The following LRRC4C variants were observed in gnomAD, a reference collection of about 807,000 sequenced individuals.
LRRC4C encodes the protein leucine rich repeat containing 4C.
A neutral mutation model predicts 33.6 loss-of-function variants in LRRC4C; 5 were observed. That is an observed-to-expected ratio of 0.15 (90% CI 0.08 to 0.31). LRRC4C has a LOEUF of 0.31. Ranked by LOEUF, LRRC4C falls within the 10% of genes least tolerant of loss-of-function variation. The pLI is 1.00. For missense variants in LRRC4C, 560 were observed against 796.7 expected (o/e 0.70, Z 3.58); for synonymous variants, 329 against 302.0 (o/e 1.09, Z -0.93).
At chr11:41,121,147 A>T (rs1003569303) in intron 1 of LRRC4C, among the ~76,000 whole-genome samples, 1 of 152,160 alleles carries the variant, frequency 6.6e-6, no homozygotes, top group Non-Finnish European at 1.5e-5. Context: ...TTTAACCATG[A>T]TTTCCTCATA....
chr11:40,568,655 C>T (rs548820661), intron 3 of LRRC4C, among the ~76,000 whole-genome samples: 1 of 152,168 alleles, frequency 6.6e-6, no homozygotes, highest in Non-Finnish European at 1.5e-5. Context: ...CCACACTGAA[C>T]ACCCACTATG....
intron 1 of LRRC4C, among the ~76,000 whole-genome samples, chr11:41,163,654 C>T (rs563270799): frequency 4.9e-4 from 75 of 151,886 alleles, no homozygotes; most frequent in Middle Eastern, 6.8e-3. Context: ...CTCTGTTGCC[C>T]AGGCTGGAGT....
intron 3 of LRRC4C, among the ~76,000 whole-genome samples, chr11:40,488,381 C>T (rs1215335774): frequency 6.6e-6 from 1 of 152,014 alleles, no homozygotes; most frequent in African/African-American, 2.4e-5. Context: ...TTTCTCTGGG[C>T]CATTTGACCC....
chr11:41,287,427 A>T (rs529176860), intron 1 of LRRC4C, among the ~76,000 whole-genome samples: 2 of 152,238 alleles, frequency 1.3e-5, no homozygotes, highest in Admixed American at 6.5e-5. Context: ...AAGTAATTGC[A>T]TTTTGTTTTT....
intron 1 of LRRC4C, among the ~76,000 whole-genome samples, chr11:41,221,936 A>G (rs1044431320): frequency 2.0e-5 from 3 of 152,186 alleles, no homozygotes; most frequent in African/African-American, 7.2e-5. Context: ...CTTAAGAACT[A>G]TCCACTCCAA....
chr11:40,807,959 T>G (rs2135355349), intron 2 of LRRC4C, among the ~76,000 whole-genome samples: 1 of 152,308 alleles, frequency 6.6e-6, no homozygotes, highest in African/African-American at 2.4e-5. Context: ...AAAAATTACA[T>G]CAGGTACATC....
At chr11:40,479,310 G>A (rs1180425363) in intron 3 of LRRC4C, among the ~76,000 whole-genome samples, 1 of 152,008 alleles carries the variant, frequency 6.6e-6, no homozygotes, top group East Asian at 1.9e-4. Context: ...AGTTATTCAA[G>A]TAACCTTCAA....
intron 1 of LRRC4C, among the ~76,000 whole-genome samples, chr11:40,998,435 A>C (rs1854134113): frequency 6.6e-6 from 1 of 152,140 alleles, no homozygotes; most frequent in Non-Finnish European, 1.5e-5. Context: ...CAGACTGTAA[A>C]AAAAATTAAA....
intron 2 of LRRC4C, among the ~76,000 whole-genome samples, chr11:40,695,236 G>T (rs1408565498): frequency 6.6e-6 from 1 of 152,100 alleles, no homozygotes; most frequent in Non-Finnish European, 1.5e-5. Flanking sequence ...TGTATATGTT[G>T]GCTCTGTGTA....
intron 2 of LRRC4C, among the ~76,000 whole-genome samples, chr11:40,687,391 ATATC>A (rs1456048058): frequency 3.9e-5 from 6 of 152,134 alleles, no homozygotes; most frequent in South Asian, 2.1e-4. Flanking sequence ...ATGTGTGTGT[ATATC>A]TATCTATTAG....
intron 2 of LRRC4C, among the ~76,000 whole-genome samples, chr11:40,930,440 T>C (rs973465839): frequency 6.6e-6 from 1 of 152,206 alleles, no homozygotes; most frequent in African/African-American, 2.4e-5. Context: ...AACAGCTAAA[T>C]AGAATTAATA....
At chr11:41,444,654 T>C (rs112097483) in intron 1 of LRRC4C, among the ~76,000 whole-genome samples, 110 of 152,278 alleles carry the variant, frequency 7.2e-4, no homozygotes, top group African/African-American at 1.6e-3. Flanking sequence ...TGAACTGAAG[T>C]GTTTATGCAA....
chr11:40,240,273 T>C (rs1865844783), intron 5 of LRRC4C, among the ~76,000 whole-genome samples: 1 of 152,226 alleles, frequency 6.6e-6, no homozygotes, highest in East Asian at 1.9e-4. Flanking sequence ...ATTCACATTA[T>C]ATCATTAGAT....
intron 3 of LRRC4C, among the ~76,000 whole-genome samples, chr11:40,430,671 T>C (rs908093942): frequency 6.6e-6 from 1 of 152,108 alleles, no homozygotes; most frequent in African/African-American, 2.4e-5. Context: ...TATATATTTT[T>C]AATTGAAGTC....
intron 3 of LRRC4C, among the ~76,000 whole-genome samples, chr11:40,582,216 T>C (rs1002387048): frequency 6.6e-6 from 1 of 152,150 alleles, no homozygotes; most frequent in Non-Finnish European, 1.5e-5. Flanking sequence ...TTACGTAAGG[T>C]TTTAAAATTT....
intron 3 of LRRC4C, among the ~76,000 whole-genome samples, chr11:40,638,917 A>G (rs1233409361): frequency 1.3e-5 from 2 of 152,086 alleles, no homozygotes; most frequent in East Asian, 1.9e-4. Flanking sequence ...GGGGTTCCCT[A>G]TTCAATTTTT....
chr11:41,281,104 T>TCTCTCTCTCTCA (rs1455403663), intron 1 of LRRC4C, among the ~76,000 whole-genome samples: 39 of 102,588 alleles, frequency 3.8e-4, no homozygotes, highest in African/African-American at 1.3e-3. Flanking sequence ...TCTCTCTCTC[T>TCTCTCTCTCTCA]CACACACACA....
intron 1 of LRRC4C, among the ~76,000 whole-genome samples, chr11:41,452,753 T>C (rs527272358): frequency 3.3e-4 from 50 of 152,204 alleles, no homozygotes; most frequent in Admixed American, 1.5e-3. Context: ...TTCCCTCCTC[T>C]GTTTTATATT....
At chr11:40,815,352 C>T (rs1951664502) in intron 2 of LRRC4C, among the ~76,000 whole-genome samples, 1 of 152,144 alleles carries the variant, frequency 6.6e-6, no homozygotes, top group Admixed American at 6.5e-5. Flanking sequence ...CAGGTCCCTC[C>T]CACAACATGT....
Sources: allele counts gnomAD v4.1 joint callset (sites outside exome capture counted in the v4.1 genomes callset), GRCh38; gene constraint gnomAD v4.1.1; transcripts MANE v1.5; gene names NCBI Gene and HGNC (gene_info 2026-07-23, HGNC 2026-07-21).